NRSN1: variants seen among roughly 807,000 people sequenced by gnomAD.
NRSN1 encodes the protein neurensin-1.
A neutral mutation model predicts 17.3 loss-of-function variants in NRSN1; 14 were observed. The observed-to-expected ratio is 0.81, with a 90% CI of 0.54 to 1.27. The LOEUF (loss-of-function observed/expected upper bound fraction) is 1.27, where lower values mean the gene tolerates loss of function less well. Among genes scored for constraint, NRSN1 ranks in the 50% most tolerant of loss-of-function variants. NRSN1 has a pLI of 0.00. For missense variants in NRSN1, 209 were observed against 235.9 expected, an observed-to-expected ratio of 0.89 and a Z score of 0.75; for synonymous variants, 79 against 94.2, an observed-to-expected ratio of 0.84 and a Z score of 0.93.
chr6:24,140,870 A>G, intron 3 of NRSN1: 1 of 1,292,180 alleles, frequency 7.7e-7, no homozygotes, highest in Non-Finnish European at 9.9e-7. Context: ...CCACCAGCAG[A>G]ATTTCTGGCA....
intron 3 of NRSN1, chr6:24,141,224 T>C: frequency 7.9e-7 from 1 of 1,270,248 alleles, no homozygotes; most frequent in Non-Finnish European, 1.0e-6. Flanking sequence ...GGGAGTCCTC[T>C]TTCTGTTAGA....
rs1408367354 is a variant in NRSN1 at position 24,145,130 on chromosome 6, T to C, written c.190-418T>C. Among the ~76,000 whole-genome samples the C allele has an allele frequency of 6.9e-6, 1 of 145,178 alleles. No homozygotes were observed. The highest frequency in any genetic ancestry group is 2.5e-5 in the African/African-American group (1 of 40,016). ...TAGATATATATATAATATACATATC[T>C]TTAGACATATAATATATAATATATA... On this transcript the variant is annotated intron_variant, in intron 3 of 3. Transcript: ENST00000378491. The surrounding 1 kb of genome is among the most constrained non-coding windows in gnomAD (Gnocchi z 4.4).
intron 2 of NRSN1, 69 bp from the exon 3 acceptor site, chr6:24,134,250 C>G: frequency 7.8e-7 from 1 of 1,283,466 alleles, no homozygotes; most frequent in Non-Finnish European, 1.1e-6. Flanking sequence ...TGGTTCTTAC[C>G]TTTCATATGT....
At chr6:24,128,379 C>T (rs1759981908) in intron 2 of NRSN1, among the ~76,000 whole-genome samples, 179 bp downstream of exon 2, 1 of 152,138 alleles carries the variant, frequency 6.6e-6, no homozygotes, top group Admixed American at 6.5e-5. Context: ...GATAATCTTA[C>T]ATTGTTACTC....
intron 3 of NRSN1, chr6:24,141,298 C>G: frequency 8.2e-7 from 1 of 1,213,624 alleles, no homozygotes; most frequent in Non-Finnish European, 1.0e-6. Context: ...TATGGAATTG[C>G]TCCCTCAATT....
intron 3 of NRSN1, among the ~76,000 whole-genome samples, chr6:24,138,095 T>C (rs1234282275): frequency 6.6e-6 from 1 of 152,090 alleles, no homozygotes; most frequent in Non-Finnish European, 1.5e-5. Context: ...TCCGTAACAT[T>C]TCAGCTTGAA....
rs74946713 is a variant in NRSN1, at chr6:24,147,498, G to A, written c.*1552G>A. 8.5e-5 allele frequency: 13 copies of A among 152,090 alleles called. No individual in the cohort carries two copies. The highest frequency in any genetic ancestry group is 1.3e-4 in the Non-Finnish European group (9 of 68,016). The allele number at this position is 152,090 out of a possible 1,614,324, so 9.4% of individuals were successfully genotyped here. A position where few individuals can be genotyped will look rare whatever the true frequency, so the allele number is the denominator to read the frequency against. ...ACTGAATAAGCTCTGATGTTTCCCC[G>A]GCTAAATGGAAGAATAAATGAAGCA... On this transcript the variant is annotated 3_prime_UTR_variant, in exon 4 of 4. Transcript: ENST00000378491.
chr6:24,142,212 T>TTTTTTTTTTCTTTTTTC (rs1484150562), intron 3 of NRSN1, among the ~76,000 whole-genome samples: 1 of 134,512 alleles, frequency 7.4e-6, no homozygotes, highest in Non-Finnish European at 1.7e-5. Context: ...TTTTTTTTTT[T>TTTTTTTTTTCTTTTTTC]TTCAGAAGAC....
chr6:24,136,813 G>A (rs1405270969), intron 3 of NRSN1, among the ~76,000 whole-genome samples: 1 of 152,084 alleles, frequency 6.6e-6, no homozygotes, highest in Non-Finnish European at 1.5e-5. Flanking sequence ...TGCTGTGCTG[G>A]AGTCCTAGAT....
chr6:24,131,100 T>G (rs1432957611), intron 2 of NRSN1, among the ~76,000 whole-genome samples: 2 of 152,342 alleles, frequency 1.3e-5, no homozygotes, highest in African/African-American at 4.8e-5. Flanking sequence ...TTTTCTGGAA[T>G]GTAGCTGACA....
chr6:24,139,839 C>T (rs1057513391), intron 3 of NRSN1, among the ~76,000 whole-genome samples: 5 of 152,340 alleles, frequency 3.3e-5, no homozygotes, highest in Admixed American at 2.0e-4. Context: ...GGGAGGATTG[C>T]TTCAGGCCAA....
intron 3 of NRSN1, among the ~76,000 whole-genome samples, chr6:24,137,745 T>C (rs1239303236): frequency 6.6e-6 from 1 of 152,022 alleles, no homozygotes; most frequent in Non-Finnish European, 1.5e-5. Context: ...CAGATTGTTA[T>C]AATGCAATAT....
In NRSN1 at chr6:24,146,225, A is replaced by T. The variant is rs768399332; in HGVS notation, c.*279A>T. On this transcript the variant is annotated 3_prime_UTR_variant, in exon 4 of 4. Coordinates refer to ENST00000378491, the MANE Select transcript of NRSN1 (RefSeq NM_080723.5). The stretch of plus-strand genomic sequence containing the variant: ...TGGAACTCCTCTTTCATAGATCGTG[A>T]CTTTGTGTTATTTTCCGTGTTGTTT... The T allele has an allele frequency of 9.2e-6, 6 of 653,202 alleles. No individual in the cohort carries two copies. In the Admixed American group the frequency reaches 1.0e-4, roughly 11 times the overall value. 40.5% of individuals were successfully genotyped at this position (653,202 alleles called of 1,614,324 possible). A position where few individuals can be genotyped will look rare whatever the true frequency, so the allele number is the denominator to read the frequency against.
intron 3 of NRSN1, among the ~76,000 whole-genome samples, chr6:24,142,852 G>A (rs951800531): frequency 6.6e-6 from 1 of 152,192 alleles, no homozygotes; most frequent in Non-Finnish European, 1.5e-5. Context: ...GGTGGAAAGA[G>A]ACCAGAGCAG....
chr6:24,135,530 G>A (rs950684381), intron 3 of NRSN1, among the ~76,000 whole-genome samples: 1 of 152,130 alleles, frequency 6.6e-6, no homozygotes, highest in African/African-American at 2.4e-5. Context: ...GTGAAGTCTT[G>A]GGTTTTTACT....
intron 3 of NRSN1, among the ~76,000 whole-genome samples, chr6:24,141,873 T>C (rs1199401741): frequency 1.3e-5 from 2 of 152,200 alleles, no homozygotes; most frequent in Non-Finnish European, 2.9e-5. Context: ...AGACACACAC[T>C]GGTCTCACTT....
chr6:24,135,795 G>T (rs966067537), intron 3 of NRSN1, among the ~76,000 whole-genome samples: 2 of 152,196 alleles, frequency 1.3e-5, no homozygotes, highest in Non-Finnish European at 2.9e-5. Context: ...TCCAGGAGAA[G>T]AGTGTGGACA....
chr6:24,140,833 A>C, intron 3 of NRSN1: 1 of 1,268,900 alleles, frequency 7.9e-7, no homozygotes, highest in Middle Eastern at 2.2e-4. Context: ...GTTGGTCAAA[A>C]TAACAGCAGT....
rs1361713912 is a variant in NRSN1 at position 24,145,625 on chromosome 6, A to C, written c.267A>C (p.Lys89Asn). The C allele has an allele frequency of 6.2e-7, 1 of 1,613,732 alleles. No homozygotes were observed. Among genetic ancestry groups the C allele is most frequent in the African/African-American group, 1.3e-5 (1 of 74,902 alleles). ...VLAVGFLVPP[K>N]IEAFGEADFV... Reference sequence around the variant, plus strand: ...CAGTGGGCTTTCTTGTGCCCCCCAAAATCGAAGCATTTGGCGAAGCCGATT... The same window carrying C: ...CAGTGGGCTTTCTTGTGCCCCCCAACATCGAAGCATTTGGCGAAGCCGATT... The change falls in exon 4 of 4, where the codon AAA (lysine) becomes AAC (asparagine). Residue 89 changes from lysine to asparagine, a missense_variant. Coordinates refer to ENST00000378491, the MANE Select transcript of NRSN1 (RefSeq NM_080723.5). The surrounding 1 kb of genome is among the most constrained non-coding windows in gnomAD (Gnocchi z 4.4).
Sources: gnomAD v4.1 joint callset for allele counts (sites outside exome capture counted in the v4.1 genomes callset) on GRCh38, gnomAD v4.1.1 for gene constraint, Gnocchi (gnomAD v3.1) non-coding constraint, MANE v1.5 for transcripts, NCBI Gene and HGNC (gene_info 2026-07-23, HGNC 2026-07-21) for gene names.